Variants in PPIP5K2 observed in about 807,000 individuals in gnomAD.
PPIP5K2 encodes diphosphoinositol pentakisphosphate kinase 2.
A neutral mutation model predicts 154.6 loss-of-function variants in PPIP5K2; 105 were observed. The ratio of observed to expected loss-of-function variants is 0.68; its 90% CI spans 0.58 to 0.80. The LOEUF (loss-of-function observed/expected upper bound fraction) is 0.80, where lower values mean the gene tolerates loss of function less well. PPIP5K2 is among the 30% of genes least tolerant of loss of function. The pLI is 0.00. For synonymous variants in PPIP5K2, 480 were observed against 490.3 expected (o/e 0.98, Z 0.28); for missense variants, 992 against 1,504.6 (o/e 0.66, Z 5.64).
chr5:103,126,782 C>T (rs1182574543), intron 1 of PPIP5K2, among the ~76,000 whole-genome samples: 1 of 147,586 alleles, frequency 6.8e-6, no homozygotes, highest in Admixed American at 6.8e-5. Context: ...TATATTCTAG[C>T]TGCACTGGCA....
rs977429306 is a variant in PPIP5K2 at position 103,206,326 on chromosome 5, T to C, written c.*4692T>C. The C allele has an allele frequency of 2.0e-5, 3 of 151,998 alleles. No homozygotes were observed. Among genetic ancestry groups the C allele is most frequent in the African/African-American group, 7.2e-5 (3 of 41,388 alleles). The allele number at this position is 151,998 out of a possible 1,614,324, so 9.4% of individuals were successfully genotyped here. The stretch of plus-strand genomic sequence containing the variant: ...TGTCGGTTTCAGTGAGGACTACATA[T>C]TTTTTTTGTTCATGTCCAACACAAT... On this transcript the variant is annotated 3_prime_UTR_variant, in exon 31 of 31. Coordinates refer to ENST00000358359, the MANE Select transcript of PPIP5K2 (RefSeq NM_001276277.3).
Position 103,126,461 on chromosome 5 carries a change from T to C in PPIP5K2, c.-284-2845T>C, listed in dbSNP as rs1161931803. ...CATATTTTGTAAAGTATTTCAAAAA[T>C]GTGGGAGAATTATATTGAAAAGACT... On this transcript the variant is annotated intron_variant, in intron 1 of 30. Coordinates refer to ENST00000358359, the MANE Select transcript of PPIP5K2 (RefSeq NM_001276277.3). Among the ~76,000 whole-genome samples the C allele has an allele frequency of 4.5e-4, 68 of 152,216 alleles. 2 individuals carry two copies. The highest frequency in any genetic ancestry group is 4.4e-3 in the Admixed American group (67 of 15,272).
chr5:103,145,996 A>G (rs1235977661), intron 5 of PPIP5K2, among the ~76,000 whole-genome samples: 1 of 152,110 alleles, frequency 6.6e-6, no homozygotes, highest in African/African-American at 2.4e-5. Flanking sequence ...GACCACAAAA[A>G]TATATACAAC....
At chr5:103,138,047 G>A (rs1554205048) in intron 4 of PPIP5K2, among the ~76,000 whole-genome samples, 1 of 151,948 alleles carries the variant, frequency 6.6e-6, no homozygotes, top group Non-Finnish European at 1.5e-5. Context: ...TTAAGCATAA[G>A]GCTTTTAATG....
At chr5:103,129,809 T>TA (rs1790320843) in intron 2 of PPIP5K2, 106 bp downstream of exon 2, 2 of 1,340,472 alleles carry the variant, frequency 1.5e-6, no homozygotes, top group Non-Finnish European at 1.9e-6. Context: ...ACTGAAAAAG[T>TA]ATATTTTGTT....
At position 103,173,819 on chromosome 5, in the gene PPIP5K2, A is replaced by T. The variant is rs1798319832; in HGVS notation, c.2415-39A>T. ...TTCAATATTTAGTGAGTTTTTGATT[A>T]TATGGTTATGTTTGAACACTGTCTG... On this transcript the variant is annotated intron_variant, in intron 20 of 30. Coordinates refer to ENST00000358359, the MANE Select transcript of PPIP5K2 (RefSeq NM_001276277.3). The T allele has an allele frequency of 3.9e-6, 5 of 1,273,362 alleles. No homozygotes were observed. The South Asian group carries it at 5.1e-5, about 13-fold the overall frequency. 78.9% of individuals were successfully genotyped at this position (1,273,362 alleles called of 1,614,324 possible).
intron 11 of PPIP5K2, among the ~76,000 whole-genome samples, chr5:103,154,414 G>A (rs1211779829): frequency 3.3e-5 from 5 of 151,950 alleles, no homozygotes; most frequent in African/African-American, 9.7e-5. Context: ...AACTATAATT[G>A]TATGTTTGGT....
chr5:103,176,961 C>T, intron 21 of PPIP5K2: 3 of 1,353,904 alleles, frequency 2.2e-6, no homozygotes, highest in Non-Finnish European at 3.0e-6. Context: ...TTTTGAATAT[C>T]ACTTCAGTGT....
intron 9 of PPIP5K2, among the ~76,000 whole-genome samples, chr5:103,152,212 ATT>A (rs552266454): frequency 6.6e-6 from 1 of 151,942 alleles, no homozygotes; most frequent in Non-Finnish European, 1.5e-5. Context: ...AAAAGTAAAC[ATT>A]TTTCCATTTT....
intron 1 of PPIP5K2, among the ~76,000 whole-genome samples, chr5:103,128,390 T>G (rs538318867): frequency 0.018 from 1,009 of 57,554 alleles, 11 homozygotes; most frequent in Admixed American, 0.033. Flanking sequence ...ATAGTTCTTA[T>G]TTATTTATTT....
chr5:103,163,760 T>G (rs1796714054), intron 17 of PPIP5K2, among the ~76,000 whole-genome samples: 1 of 151,996 alleles, frequency 6.6e-6, no homozygotes, highest in Admixed American at 6.6e-5. Context: ...TATTATATCT[T>G]ACAGTTTTTT....
chr5:103,171,667 C>CA lies in PPIP5K2; in HGVS notation c.2287-1481dup, dbSNP rs541366513. On this transcript the variant is annotated intron_variant, in intron 19 of 30. Transcript: ENST00000358359. ...ATAAAACTAGAAAATACAGATAGAG[C>CA]AAAAAAATTACTATAACATTACCAA... Among the ~76,000 whole-genome samples the CA allele has an allele frequency of 3.9e-3, 586 of 151,310 alleles. 2 individuals carry two copies. Among genetic ancestry groups the CA allele is most frequent in the African/African-American group, 0.013 (551 of 41,416 alleles).
chr5:103,138,291 GAAC>G lies in PPIP5K2; in HGVS notation c.402-87_402-85del, dbSNP rs1791924777. ...GAGATATATACCCTTTTTAGTTATA[GAAC>G]AACAATAATGTCTTTTAAGAAAACT... is the stretch of plus-strand genomic sequence containing the variant. On this transcript the variant is annotated intron_variant, in intron 4 of 30. Coordinates refer to ENST00000358359, the MANE Select transcript of PPIP5K2 (RefSeq NM_001276277.3). 9 of 651,354 alleles carry G rather than the reference GAAC, an allele frequency of 1.4e-5. No individual in the cohort carries two copies. In the South Asian group the frequency reaches 3.1e-4, roughly 22 times the overall value. 40.3% of individuals were successfully genotyped at this position (651,354 alleles called of 1,614,324 possible). A position where few individuals can be genotyped will look rare whatever the true frequency, so the allele number is the denominator to read the frequency against.
chr5:103,150,863 T>TG (rs1554211050), intron 8 of PPIP5K2, among the ~76,000 whole-genome samples: 1 of 150,238 alleles, frequency 6.7e-6, no homozygotes. Flanking sequence ...TTTTTTTTTT[T>TG]TTTTATTAAC....
intron 25 of PPIP5K2, among the ~76,000 whole-genome samples, chr5:103,184,010 G>A (rs535937272): frequency 6.6e-5 from 10 of 152,094 alleles, no homozygotes; most frequent in African/African-American, 1.7e-4. Context: ...TCTTTAAGAG[G>A]GAACAATTGC....
At chr5:103,131,101 T>C (rs1049997871) in intron 2 of PPIP5K2, among the ~76,000 whole-genome samples, 1 of 152,188 alleles carries the variant, frequency 6.6e-6, no homozygotes, top group African/African-American at 2.4e-5. Context: ...TCATTGACTC[T>C]TTCCATTCTC....
intron 2 of PPIP5K2, among the ~76,000 whole-genome samples, chr5:103,131,169 G>A (rs542668371): frequency 5.3e-5 from 8 of 151,906 alleles, no homozygotes; most frequent in Non-Finnish European, 8.8e-5. Flanking sequence ...GTGTCTTTAC[G>A]TTGCTGTATA....
rs559094854 is a variant in PPIP5K2, at chr5:103,126,085, T to A, written c.-284-3221T>A. ...TACTTCTGCTTTAGAGGCTTTATAC[T>A]TGATGTTTCTTACCTGGAATGTTCA... On this transcript the variant is annotated intron_variant, in intron 1 of 30. Coordinates refer to ENST00000358359, the MANE Select transcript of PPIP5K2 (RefSeq NM_001276277.3). 2.6e-5 allele frequency among the ~76,000 whole-genome samples: 4 copies of A among 152,308 alleles called. No homozygotes were observed. In the South Asian group the frequency reaches 8.3e-4, roughly 32 times the overall value.
In PPIP5K2 at chr5:103,201,504, TG is replaced by T; in HGVS notation, c.3620-17del. ...AATTTAAGCAATAGTTTTTTTTTTT[TG>T]TTTTTGTTTTATGTAGCTACAAGTG... On this transcript the variant is annotated splice_polypyrimidine_tract_variant and intron_variant, in intron 30 of 30. Coordinates refer to ENST00000358359, the MANE Select transcript of PPIP5K2 (RefSeq NM_001276277.3). 2.1e-6 allele frequency: 3 copies of T among 1,459,416 alleles called. No individual in the cohort carries two copies. Among genetic ancestry groups the T allele is most frequent in the South Asian group, 2.7e-5 (2 of 74,078 alleles). 90.4% of individuals were successfully genotyped at this position (1,459,416 alleles called of 1,614,324 possible).
Sources: gnomAD v4.1 joint callset for allele counts (sites outside exome capture counted in the v4.1 genomes callset) on GRCh38, gnomAD v4.1.1 for gene constraint, MANE v1.5 for transcripts, NCBI Gene and HGNC (gene_info 2026-07-23, HGNC 2026-07-21) for gene names.